C1QTNF9B: variants seen among roughly 807,000 people sequenced by gnomAD.
C1QTNF9B encodes complement C1q and tumor necrosis factor-related protein 9B.
A neutral mutation model predicts 10.1 loss-of-function variants in C1QTNF9B; 9 were observed. The ratio of observed to expected loss-of-function variants is 0.89; its 90% CI spans 0.53 to 1.55. The LOEUF (loss-of-function observed/expected upper bound fraction) is 1.55, where lower values mean the gene tolerates loss of function less well. Ranked by LOEUF, C1QTNF9B falls within the 40% of genes most tolerant of loss-of-function variation. The probability of loss-of-function intolerance (pLI) is 0.00; values close to 1 mark genes in which losing one functional copy is unlikely to be tolerated. For synonymous variants in C1QTNF9B, 79 were observed against 159.9 expected (o/e 0.49, Z 3.82); for missense variants, 196 against 414.4 (o/e 0.47, Z 4.58).
chr13:23,891,876 T>C (rs1871991021), exon 3 of C1QTNF9B: 2 of 1,611,534 alleles, frequency 1.2e-6, no homozygotes, highest in East Asian at 4.5e-5. Flanking sequence ...ATGTTGCCCC[T>C]TGGCCCCTCA....
chr13:23,893,790 G>T (rs929002803), intron 2 of C1QTNF9B, among the ~76,000 whole-genome samples: 2 of 152,130 alleles, frequency 1.3e-5, no homozygotes, highest in African/African-American at 4.8e-5. Flanking sequence ...TGTTTAAATG[G>T]TCACAAATAA....
chr13:23,893,431 C>G (rs549535159), intron 2 of C1QTNF9B, among the ~76,000 whole-genome samples: 1 of 152,240 alleles, frequency 6.6e-6, no homozygotes, highest in East Asian at 1.9e-4. Context: ...ATTCAGCCTC[C>G]CTCCCGCAAG....
At chr13:23,892,801 C>T (rs999662310) in intron 2 of C1QTNF9B, among the ~76,000 whole-genome samples, 5 of 152,238 alleles carry the variant, frequency 3.3e-5, no homozygotes, top group Non-Finnish European at 5.9e-5. Flanking sequence ...CCATCTAAGT[C>T]TACCATGCTG....
chr13:23,897,276 G>A (rs936568791), upstream of C1QTNF9B: 25 of 461,464 alleles, frequency 5.4e-5, no homozygotes, highest in Middle Eastern at 1.1e-3. Context: ...ATACTCTTCC[G>A]TTCATCATTT....
chr13:23,892,944 C>T (rs1003317465), intron 2 of C1QTNF9B, among the ~76,000 whole-genome samples: 5 of 152,180 alleles, frequency 3.3e-5, no homozygotes, highest in Non-Finnish European at 7.3e-5. Context: ...ATAAAGCCTG[C>T]ATCGAGGCAT....
At chr13:23,892,012 T>A in exon 3 of C1QTNF9B, 1 of 1,614,004 alleles carries the variant, frequency 6.2e-7, no homozygotes, top group South Asian at 1.1e-5. Flanking sequence ...GGGATCCTCT[T>A]GAGCCTTGAT....
chr13:23,896,777 T>G lies in C1QTNF9B; in HGVS notation c.166+44A>C, dbSNP rs759626247. 9 of 1,610,102 alleles carry G rather than the reference T, an allele frequency of 5.6e-6. No individual in the cohort carries two copies. The African/African-American group carries it at 1.1e-4, about 19-fold the overall frequency. ...TGATGAGTGAATGAGATGAAAGTAA[T>G]GAAGAGAGAAGCTCAAAGGCAGCCG... On this transcript the variant is annotated intron_variant, in intron 1 of 2. Coordinates refer to ENST00000382137, the Ensembl canonical transcript of C1QTNF9B.
rs776966583 is a variant in C1QTNF9B, at chr13:23,891,469, C to A, written c.822G>T (p.Leu274=). 6.3e-6 allele frequency: 10 copies of A among 1,581,990 alleles called. 1 individual carries two copies. In the Admixed American group the frequency reaches 1.5e-4, roughly 24 times the overall value. The change falls in exon 3 of 3, where the codon CTG becomes CTT. Residue 274 remains leucine (L), a synonymous_variant. Transcript: ENST00000382137. ...AGCTCACGTAAGCATCTCTGGTGTGCAGTATTTTTACTCCGTTTTTGACCA... is the reference window on the plus strand; with the variant it reads ...AGCTCACGTAAGCATCTCTGGTGTGAAGTATTTTTACTCCGTTTTTGACCA...
intron 2 of C1QTNF9B, among the ~76,000 whole-genome samples, chr13:23,892,647 C>G (rs1310707818): frequency 1.3e-5 from 2 of 151,988 alleles, no homozygotes; most frequent in African/African-American, 2.4e-5. Flanking sequence ...AGAGTGAGAC[C>G]CTGTCTCAAA....
chr13:23,891,556 A>T lies in C1QTNF9B; in HGVS notation c.735T>A (p.Ile245=), dbSNP rs763056277. Residue 245 remains isoleucine, a synonymous_variant, in exon 3 of 3, where the codon ATT becomes ATA. Transcript: ENST00000382137. ...GGTAGGTGAAGTAATAGACCCCAGC[A>T]ATGTGGCACGTGAATTTCCCCACTG... 5 of 1,606,940 alleles carry T rather than the reference A, an allele frequency of 3.1e-6. No homozygotes were observed. In the South Asian group the frequency reaches 5.5e-5, roughly 18 times the overall value.
chr13:23,897,021 C>G (rs750847065), upstream of C1QTNF9B: 7 of 1,613,110 alleles, frequency 4.3e-6, no homozygotes, highest in South Asian at 5.5e-5. Context: ...AAGAGGGAAA[C>G]AGAAACCCAG....
At chr13:23,896,455 G>A (rs138727985) in intron 1 of C1QTNF9B, among the ~76,000 whole-genome samples, 1 of 152,304 alleles carries the variant, frequency 6.6e-6, no homozygotes, top group African/African-American at 2.4e-5. Flanking sequence ...TCTCTCTATT[G>A]GCCTCGTGTT....
chr13:23,891,914 T>G (rs749055951), exon 3 of C1QTNF9B: 1 of 1,613,874 alleles, frequency 6.2e-7, no homozygotes, highest in African/African-American at 1.3e-5. Flanking sequence ...GTCACCCTTA[T>G]TCCCCTTCTG....
exon 3 of C1QTNF9B, chr13:23,891,846 C>T: frequency 6.2e-7 from 1 of 1,611,128 alleles, no homozygotes; most frequent in Non-Finnish European, 8.5e-7. Context: ...CCCGGTAAAC[C>T]AGTTGGGCCC....
chr13:23,891,486 T>G, exon 3 of C1QTNF9B: 2 of 1,598,872 alleles, frequency 1.3e-6, no homozygotes, highest in Non-Finnish European at 1.7e-6. Flanking sequence ...TTTACTCCGT[T>G]TTTGACCAAA....
At chr13:23,895,946 C>T (rs753136573) in intron 1 of C1QTNF9B, among the ~76,000 whole-genome samples, 7 of 152,072 alleles carry the variant, frequency 4.6e-5, no homozygotes, top group African/African-American at 1.4e-4. Flanking sequence ...GCAGATGTGC[C>T]GGTTAGAAAG....
intron 1 of C1QTNF9B, among the ~76,000 whole-genome samples, chr13:23,895,649 A>G (rs1316689347): frequency 6.6e-6 from 1 of 152,154 alleles, no homozygotes; most frequent in Non-Finnish European, 1.5e-5. Context: ...AGTTCTCTGT[A>G]TTTTGTATCA....
chr13:23,897,092 G>A (rs1872231127), upstream of C1QTNF9B: 7 of 1,515,570 alleles, frequency 4.6e-6, no homozygotes, highest in African/African-American at 4.1e-5. Context: ...GTGGGAAATG[G>A]ATGAGCTGTC....
chr13:23,893,376 T>G (rs1422648566), intron 2 of C1QTNF9B, among the ~76,000 whole-genome samples: 1 of 152,200 alleles, frequency 6.6e-6, no homozygotes, highest in Non-Finnish European at 1.5e-5. Context: ...TCAGTGCTCA[T>G]CCACTGCAAG....
Sources: allele counts gnomAD v4.1 joint callset (sites outside exome capture counted in the v4.1 genomes callset), GRCh38; gene constraint gnomAD v4.1.1; transcripts MANE v1.5; gene names NCBI Gene and HGNC (gene_info 2026-07-23, HGNC 2026-07-21).